Variants in KIF26B observed in about 807,000 individuals in gnomAD.
KIF26B encodes kinesin family member 26B, also known as kinesin-like protein KIF26B.
In KIF26B, 63 loss-of-function variants were observed where a neutral mutation model predicts 151.2. The ratio of observed to expected loss-of-function variants is 0.42; its 90% CI spans 0.34 to 0.51. KIF26B has a LOEUF of 0.51. Among genes scored for constraint, KIF26B ranks in the 20% least tolerant of loss-of-function variants. The pLI, the probability that KIF26B is intolerant of heterozygous loss-of-function variation, is 0.07. For missense variants in KIF26B, 2,813 were observed against 2,913.6 expected, an observed-to-expected ratio of 0.97 and a Z score of 0.79; for synonymous variants, 1,357 against 1,262.1, an observed-to-expected ratio of 1.08 and a Z score of -1.59.
intron 4 of KIF26B, among the ~76,000 whole-genome samples, chr1:245,503,643 G>T (rs902652399): frequency 3.9e-5 from 6 of 152,206 alleles, no homozygotes; most frequent in African/African-American, 1.4e-4. Context: ...GGGCATCCCA[G>T]CACCATGTAT....
At chr1:245,196,540 C>T (rs998739635) in intron 2 of KIF26B, among the ~76,000 whole-genome samples, 2 of 152,318 alleles carry the variant, frequency 1.3e-5, no homozygotes, top group African/African-American at 2.4e-5. Context: ...TGACTGTGCT[C>T]CAGGCACCAC....
chr1:245,344,317 GA>G lies in KIF26B; in HGVS notation c.466-22509del, dbSNP rs546479809. Among the ~76,000 whole-genome samples the G allele has an allele frequency of 3.4e-3, 502 of 149,436 alleles. 7 individuals are homozygous for G. Among genetic ancestry groups the G allele is most frequent in the African/African-American group, 0.011 (446 of 40,718 alleles). ...AGCCTTCTGTGTAAGATTTTGTTTG[GA>G]AAAAAAAGAGTCATATCCCCCTTTA... On this transcript the variant is annotated intron_variant, in intron 2 of 14. Coordinates refer to ENST00000407071, the MANE Select transcript of KIF26B (RefSeq NM_018012.4).
intron 5 of KIF26B, among the ~76,000 whole-genome samples, chr1:245,555,860 G>C (rs1662010094): frequency 6.6e-6 from 1 of 152,182 alleles, no homozygotes; most frequent in South Asian, 2.1e-4. Flanking sequence ...GGTTCATTTT[G>C]TGGACCACTG....
At chr1:245,305,981 A>G (rs1027681761) in intron 2 of KIF26B, among the ~76,000 whole-genome samples, 8 of 151,568 alleles carry the variant, frequency 5.3e-5, no homozygotes, top group Non-Finnish European at 8.8e-5. Context: ...GAAACGATAT[A>G]GCCCCTGTGG....
chr1:245,245,519 A>C (rs1573730532), intron 2 of KIF26B, among the ~76,000 whole-genome samples: 1 of 152,174 alleles, frequency 6.6e-6, no homozygotes, highest in East Asian at 1.9e-4. Context: ...GGCCGGGCGC[A>C]GTGGCTCACG....
intron 2 of KIF26B, among the ~76,000 whole-genome samples, chr1:245,208,047 G>C (rs911374713): frequency 6.6e-6 from 1 of 152,150 alleles, no homozygotes; most frequent in African/African-American, 2.4e-5. Context: ...TTTTCCAGCA[G>C]ATTTCTTTTC....
At chr1:245,574,928 G>C (rs565458442) in intron 5 of KIF26B, among the ~76,000 whole-genome samples, 3 of 145,252 alleles carry the variant, frequency 2.1e-5, no homozygotes, top group African/African-American at 5.2e-5. Flanking sequence ...CCAGTGGCGC[G>C]ATCTCGGCTC....
intron 2 of KIF26B, among the ~76,000 whole-genome samples, chr1:245,287,731 G>A (rs1359318367): frequency 2.0e-5 from 3 of 152,020 alleles, no homozygotes; most frequent in Non-Finnish European, 4.4e-5. Context: ...TCAAACTCCC[G>A]ATCTCAGGTG....
intron 10 of KIF26B, among the ~76,000 whole-genome samples, chr1:245,679,997 G>A (rs1020507677): frequency 7.9e-5 from 12 of 152,066 alleles, no homozygotes; most frequent in African/African-American, 2.9e-4. Flanking sequence ...CTGGCTCTGG[G>A]GAGGGGGTGG....
chr1:245,248,133 C>G (rs913857787), intron 2 of KIF26B, among the ~76,000 whole-genome samples: 1 of 151,524 alleles, frequency 6.6e-6, no homozygotes. Flanking sequence ...TTTTTTTTCC[C>G]TCGGTGTGAT....
At chr1:245,253,239 C>T (rs1256392003) in intron 2 of KIF26B, among the ~76,000 whole-genome samples, 1 of 151,978 alleles carries the variant, frequency 6.6e-6, no homozygotes, top group Admixed American at 6.6e-5. Context: ...AAACTCCTGA[C>T]CTCAGGTGAT....
chr1:245,311,310 C>A (rs1382974470), intron 2 of KIF26B, among the ~76,000 whole-genome samples: 1 of 152,106 alleles, frequency 6.6e-6, no homozygotes, highest in Non-Finnish European at 1.5e-5. Flanking sequence ...GGGTCGTTGT[C>A]ACAGCGATGA....
In KIF26B at chr1:245,601,254, C is replaced by T. The variant is rs7524374; in HGVS notation, c.1351-1323C>T. Among the ~76,000 whole-genome samples the T allele has an allele frequency of 0.061, 9,237 of 152,252 alleles. 429 individuals are homozygous for T. The highest frequency in any genetic ancestry group is 0.13 in the African/African-American group (5,304 of 41,534). Reference sequence around the variant, plus strand: ...TTAGAAGGCAAGCACAGCGGGGACACGGTGCAGGACACCTGCGGACCCAGT... The same window carrying T: ...TTAGAAGGCAAGCACAGCGGGGACATGGTGCAGGACACCTGCGGACCCAGT... On this transcript the variant is annotated intron_variant, in intron 5 of 14. Coordinates refer to ENST00000407071, the MANE Select transcript of KIF26B (RefSeq NM_018012.4). This position sits in a 1 kb window ranked among gnomAD's most constrained non-coding sequence, Gnocchi z 4.4.
intron 4 of KIF26B, among the ~76,000 whole-genome samples, chr1:245,521,979 C>T (rs558437601): frequency 7.8e-4 from 119 of 151,738 alleles, no homozygotes; most frequent in Non-Finnish European, 1.0e-3. Flanking sequence ...ACGCCATTCT[C>T]CTGCCTCAGC....
rs1329812790 is a variant in KIF26B at position 245,610,598 on chromosome 1, C to T, written c.1914+1070C>T. On this transcript the variant is annotated intron_variant, in intron 8 of 14. Coordinates refer to ENST00000407071, the MANE Select transcript of KIF26B (RefSeq NM_018012.4). ...GCAATCAGTAGGACTCGACCCACTGCTCCTGTTCCAGGCATTTTCTAGACA... is the reference window on the plus strand; with the variant it reads ...GCAATCAGTAGGACTCGACCCACTGTTCCTGTTCCAGGCATTTTCTAGACA... Among the ~76,000 whole-genome samples the T allele has an allele frequency of 2.0e-5, 3 of 152,226 alleles. No homozygotes were observed. The East Asian group carries it at 5.8e-4, about 29-fold the overall frequency.
In KIF26B at chr1:245,602,518, C is replaced by A; in HGVS notation, c.1351-59C>A. On this transcript the variant is annotated intron_variant, in intron 5 of 14. Coordinates refer to ENST00000407071, the MANE Select transcript of KIF26B (RefSeq NM_018012.4). The surrounding 1 kb of genome is among the most constrained non-coding windows in gnomAD (Gnocchi z 4.5). ...GTATATCGCAGAGTATACAAGGGTG[C>A]TCCATCGTAAAACACCCAGCTGTCT... is the stretch of plus-strand genomic sequence containing the variant. The A allele has an allele frequency of 1.5e-6, 2 of 1,366,412 alleles. No homozygotes were observed. The highest frequency in any genetic ancestry group is 2.0e-6 in the Non-Finnish European group (2 of 976,990). The allele number at this position is 1,366,412 out of a possible 1,614,324, so 84.6% of individuals were successfully genotyped here.
At chr1:245,452,919 A>G (rs941849964) in intron 4 of KIF26B, among the ~76,000 whole-genome samples, 8 of 152,096 alleles carry the variant, frequency 5.3e-5, no homozygotes, top group African/African-American at 4.8e-5. Context: ...TTTGGTGCAC[A>G]AAAGCTTTTA....
intron 3 of KIF26B, among the ~76,000 whole-genome samples, chr1:245,384,239 C>G (rs1005440483): frequency 6.6e-6 from 1 of 152,106 alleles, no homozygotes; most frequent in Non-Finnish European, 1.5e-5. Context: ...AGTCCACTGT[C>G]TCTCTCCACT....
intron 2 of KIF26B, among the ~76,000 whole-genome samples, chr1:245,302,553 G>T (rs937040422): frequency 2.0e-5 from 3 of 152,136 alleles, no homozygotes; most frequent in African/African-American, 7.2e-5. Flanking sequence ...CAGCAGCAAG[G>T]AACTTAATAG....
Sources: allele counts gnomAD v4.1 joint callset (sites outside exome capture counted in the v4.1 genomes callset), GRCh38; gene constraint gnomAD v4.1.1; non-coding constraint Gnocchi (gnomAD v3.1); transcripts MANE v1.5; gene names NCBI Gene and HGNC (gene_info 2026-07-23, HGNC 2026-07-21).